Variants in IL1RAPL1 observed in about 807,000 individuals in gnomAD.
IL1RAPL1 encodes the protein interleukin 1 receptor accessory protein like 1.
Under a neutral mutation model 48.4 loss-of-function variants are expected in IL1RAPL1, and 3 were observed. That is an observed-to-expected ratio of 0.06 (90% CI 0.03 to 0.16). The LOEUF is 0.16. Ranked by LOEUF, IL1RAPL1 falls within the 10% of genes least tolerant of loss-of-function variation. The probability of loss-of-function intolerance (pLI) is 1.00; values close to 1 mark genes in which losing one functional copy is unlikely to be tolerated. For missense variants in IL1RAPL1, 349 were observed against 530.6 expected (o/e 0.66, Z 3.36); for synonymous variants, 185 against 187.7 (o/e 0.99, Z 0.12).
chrX:29,240,224 A>AT (rs55639151), intron 2 of IL1RAPL1, among the ~76,000 whole-genome samples: 212 of 13,347 alleles, frequency 0.016, 12 homozygotes, highest in Non-Finnish European at 0.019. Context: ...ATATATATAT[A>AT]TTTTTTTTTT....
chrX:28,589,372 G>A (rs1047999568), intron 1 of IL1RAPL1, among the ~76,000 whole-genome samples: 1 of 111,421 alleles, frequency 9.0e-6, no homozygotes, highest in African/African-American at 3.3e-5. Flanking sequence ...AGAGGAGGAG[G>A]GCAGAGAGAG....
chrX:29,027,138 T>C (rs1385694418), intron 2 of IL1RAPL1, among the ~76,000 whole-genome samples: 1 of 111,964 alleles, frequency 8.9e-6, no homozygotes, highest in African/African-American at 3.2e-5. Flanking sequence ...TCTACCATTA[T>C]GGTATCATAC....
At chrX:29,688,879 C>G (rs1601780002) in intron 6 of IL1RAPL1, among the ~76,000 whole-genome samples, 1 of 108,010 alleles carries the variant, frequency 9.3e-6, no homozygotes, top group South Asian at 4.1e-4. Context: ...ATGGGGAAGA[C>G]ATTACCAAAA....
intron 2 of IL1RAPL1, among the ~76,000 whole-genome samples, chrX:29,092,612 A>G (rs966984432): frequency 4.5e-5 from 5 of 112,194 alleles, no homozygotes; most frequent in Non-Finnish European, 5.6e-5. Context: ...ATTGATCATA[A>G]TACTACTGTT....
intron 6 of IL1RAPL1, among the ~76,000 whole-genome samples, chrX:29,894,052 C>T (rs753407708): frequency 2.1e-4 from 24 of 111,953 alleles, no homozygotes; most frequent in Non-Finnish European, 4.1e-4. Flanking sequence ...CATTCATGCT[C>T]GATTGTGATG....
At chrX:29,632,495 A>C (rs1250121435) in intron 5 of IL1RAPL1, among the ~76,000 whole-genome samples, 2 of 111,682 alleles carry the variant, frequency 1.8e-5, no homozygotes, top group Non-Finnish European at 3.8e-5. Flanking sequence ...TAGGCTTCTG[A>C]GGGTGTATAC....
At chrX:29,056,443 T>C (rs960698912) in intron 2 of IL1RAPL1, among the ~76,000 whole-genome samples, 2 of 111,772 alleles carry the variant, frequency 1.8e-5, no homozygotes, top group African/African-American at 6.5e-5. Context: ...ATACTGGTGC[T>C]GATTTAGTTT....
At chrX:29,344,101 A>G (rs1405940179) in intron 3 of IL1RAPL1, among the ~76,000 whole-genome samples, 1 of 112,568 alleles carries the variant, frequency 8.9e-6, no homozygotes, top group Non-Finnish European at 1.9e-5. Context: ...TCGTTATTCA[A>G]TAGCATGCAT....
chrX:28,815,017 T>G (rs1936845274), intron 2 of IL1RAPL1, among the ~76,000 whole-genome samples: 1 of 110,583 alleles, frequency 9.0e-6, no homozygotes, highest in South Asian at 3.8e-4. Context: ...TCACATAATT[T>G]ACCCTCATAC....
intron 1 of IL1RAPL1, among the ~76,000 whole-genome samples, chrX:28,683,625 G>A (rs1362617730): frequency 8.9e-6 from 1 of 111,907 alleles, no homozygotes; most frequent in Non-Finnish European, 1.9e-5. Context: ...CATACTTAGT[G>A]GCTTAAACAA....
chrX:29,423,043 ACATTTAC>A (rs1480035019), intron 5 of IL1RAPL1, among the ~76,000 whole-genome samples: 2 of 111,804 alleles, frequency 1.8e-5, no homozygotes, highest in Non-Finnish European at 3.8e-5. Context: ...CTGATAAGAA[ACATTTAC>A]AACTGATTCC....
intron 3 of IL1RAPL1, among the ~76,000 whole-genome samples, chrX:29,384,288 A>G (rs1211442952): frequency 8.9e-6 from 1 of 111,737 alleles, no homozygotes; most frequent in Admixed American, 9.6e-5. Context: ...AGAAGAAGGA[A>G]GTCATGTTAC....
At chrX:29,069,728 G>C (rs780335820) in intron 2 of IL1RAPL1, among the ~76,000 whole-genome samples, 1 of 108,865 alleles carries the variant, frequency 9.2e-6, no homozygotes, top group Admixed American at 9.9e-5. Flanking sequence ...CTTCTGTCAT[G>C]CAATCCTATC....
chrX:29,653,213 A>G (rs913214943), intron 5 of IL1RAPL1, among the ~76,000 whole-genome samples: 1 of 112,372 alleles, frequency 8.9e-6, no homozygotes, highest in South Asian at 3.7e-4. Context: ...AACTCTTGTT[A>G]GTATGGACAA....
chrX:29,699,840 A>G (rs923601577), intron 6 of IL1RAPL1, among the ~76,000 whole-genome samples: 1 of 112,558 alleles, frequency 8.9e-6, no homozygotes, highest in African/African-American at 3.2e-5. Flanking sequence ...TCAAAAGTTC[A>G]TAAAAGGAGA....
At position 29,000,225 on chromosome X, in the gene IL1RAPL1, A is replaced by G. The variant is rs1230709484; in HGVS notation, c.82+210800A>G. 2.7e-5 allele frequency among the ~76,000 whole-genome samples: 3 copies of G among 111,829 alleles called. No homozygotes were observed. The East Asian group carries it at 8.4e-4, about 31-fold the overall frequency. Reference sequence around the variant, plus strand: ...GATACTGCATGGCATCCTTCCTATTATGGAGTGTTATTTTGACTAGAAAAA... The same window carrying G: ...GATACTGCATGGCATCCTTCCTATTGTGGAGTGTTATTTTGACTAGAAAAA... On this transcript the variant is annotated intron_variant, in intron 2 of 10. Coordinates refer to ENST00000378993, the MANE Select transcript of IL1RAPL1 (RefSeq NM_014271.4).
intron 5 of IL1RAPL1, among the ~76,000 whole-genome samples, chrX:29,443,773 G>A (rs1242077735): frequency 1.8e-5 from 2 of 111,774 alleles, no homozygotes; most frequent in Non-Finnish European, 3.8e-5. Context: ...CAACTTATGT[G>A]TCTGCAAGTT....
intron 6 of IL1RAPL1, among the ~76,000 whole-genome samples, chrX:29,913,990 C>G (rs1932779380): frequency 8.9e-6 from 1 of 111,980 alleles, no homozygotes; most frequent in Non-Finnish European, 1.9e-5. Context: ...TCCTCTCTGT[C>G]CAGAGTGTTT....
intron 5 of IL1RAPL1, among the ~76,000 whole-genome samples, chrX:29,476,419 A>C (rs777919537): frequency 1.8e-5 from 2 of 112,067 alleles, no homozygotes; most frequent in Non-Finnish European, 3.8e-5. Context: ...TTGTAAATGT[A>C]TAGTTCTATT....
Sources: gnomAD v4.1 joint callset for allele counts (sites outside exome capture counted in the v4.1 genomes callset) on GRCh38, gnomAD v4.1.1 for gene constraint, MANE v1.5 for transcripts, NCBI Gene and HGNC (gene_info 2026-07-23, HGNC 2026-07-21) for gene names.